The following ULK4 variants were observed in gnomAD, a reference collection of about 807,000 sequenced individuals.
ULK4 encodes unc-51 like kinase 4, also known as inactive serine/threonine-protein kinase ULK4.
A neutral mutation model predicts 160.6 loss-of-function variants in ULK4; 133 were observed. That is an observed-to-expected ratio of 0.83 (90% confidence interval 0.72 to 0.96). ULK4 has a LOEUF of 0.96. Ranked by LOEUF, ULK4 falls within the 40% of genes least tolerant of loss-of-function variation. ULK4 has a pLI of 0.00. For synonymous variants in ULK4, 534 were observed against 539.8 expected (o/e 0.99, Z 0.15); for missense variants, 1,580 against 1,499.5 (o/e 1.05, Z -0.89).
intron 21 of ULK4, among the ~76,000 whole-genome samples, chr3:41,781,384 T>C (rs1021546542): frequency 6.9e-6 from 1 of 145,478 alleles, no homozygotes; most frequent in African/African-American, 2.6e-5. Context: ...GCCACCGCAC[T>C]CCAGCCTGGG....
At chr3:41,428,587 A>C (rs1047413943) in intron 34 of ULK4, among the ~76,000 whole-genome samples, 3 of 152,198 alleles carry the variant, frequency 2.0e-5, no homozygotes, top group Non-Finnish European at 4.4e-5. Flanking sequence ...GAGCAATGGA[A>C]TAGAATAGAG....
chr3:41,554,289 C>T (rs551684338), intron 32 of ULK4, among the ~76,000 whole-genome samples: 2 of 152,102 alleles, frequency 1.3e-5, no homozygotes, highest in African/African-American at 4.8e-5. Context: ...AGTATTCTAT[C>T]CATGTATAGA....
At chr3:41,737,330 G>A (rs1478978225) in intron 22 of ULK4, among the ~76,000 whole-genome samples, 2 of 152,048 alleles carry the variant, frequency 1.3e-5, no homozygotes, top group Admixed American at 6.5e-5. Flanking sequence ...TCTCTTCAAG[G>A]AGAACTACAA....
At chr3:41,437,412 A>T (rs1248018544) in intron 34 of ULK4, among the ~76,000 whole-genome samples, 1 of 152,226 alleles carries the variant, frequency 6.6e-6, no homozygotes, top group Non-Finnish European at 1.5e-5. Context: ...AAGATTCTGA[A>T]GCTAAAATCA....
intron 32 of ULK4, among the ~76,000 whole-genome samples, chr3:41,471,788 T>A (rs1209999060): frequency 2.0e-5 from 3 of 151,722 alleles, no homozygotes; most frequent in Non-Finnish European, 2.9e-5. Flanking sequence ...AAGGAAAATT[T>A]AAAAAAATTG....
At chr3:41,280,356 ATTC>A (rs2079327072) in intron 35 of ULK4, among the ~76,000 whole-genome samples, 1 of 152,212 alleles carries the variant, frequency 6.6e-6, no homozygotes, top group South Asian at 2.1e-4. Flanking sequence ...CAGAATATAC[ATTC>A]TTCTCAGTAC....
At chr3:41,489,240 A>G (rs2084659319) in intron 32 of ULK4, among the ~76,000 whole-genome samples, 1 of 152,238 alleles carries the variant, frequency 6.6e-6, no homozygotes, top group East Asian at 1.9e-4. Context: ...CATGATTAGA[A>G]TTTTCAAAAG....
At chr3:41,645,883 A>G (rs943950194) in intron 30 of ULK4, among the ~76,000 whole-genome samples, 181 of 152,186 alleles carry the variant, frequency 1.2e-3, no homozygotes, top group African/African-American at 4.2e-3. Flanking sequence ...CTCCTTTATT[A>G]GGTGCATATA....
chr3:41,918,577 C>T, intron 6 of ULK4, 37 bp from the exon 7 acceptor site: 8 of 875,496 alleles, frequency 9.1e-6, no homozygotes, highest in South Asian at 5.2e-5. Flanking sequence ...TGAAAGAAGT[C>T]TGCTATCACC....
chr3:41,329,315 G>T (rs1224078759), intron 35 of ULK4, among the ~76,000 whole-genome samples: 3 of 152,098 alleles, frequency 2.0e-5, no homozygotes, highest in Non-Finnish European at 4.4e-5. Flanking sequence ...TCAATCTGGG[G>T]AGCAGTGACT....
chr3:41,367,488 G>C (rs2081275117), intron 35 of ULK4, among the ~76,000 whole-genome samples: 1 of 152,172 alleles, frequency 6.6e-6, no homozygotes, highest in Admixed American at 6.5e-5. Flanking sequence ...AGGACACCTT[G>C]GGGTATATCC....
chr3:41,699,187 G>A (rs2036592228), intron 27 of ULK4, among the ~76,000 whole-genome samples: 1 of 152,022 alleles, frequency 6.6e-6, no homozygotes, highest in Non-Finnish European at 1.5e-5. Context: ...TTCAGAGTAG[G>A]TGTACCAATG....
At chr3:41,853,764 G>C (rs1454586719) in intron 17 of ULK4, among the ~76,000 whole-genome samples, 1 of 152,126 alleles carries the variant, frequency 6.6e-6, no homozygotes, top group Non-Finnish European at 1.5e-5. Flanking sequence ...ACCATGGACT[G>C]GTTCTGGCCG....
At chr3:41,313,237 C>T (rs570473745) in intron 35 of ULK4, among the ~76,000 whole-genome samples, 3 of 152,162 alleles carry the variant, frequency 2.0e-5, no homozygotes, top group Admixed American at 1.3e-4. Flanking sequence ...GTTATTTAAC[C>T]TCTATAATGC....
chr3:41,287,517 T>C (rs1221318422), intron 35 of ULK4, among the ~76,000 whole-genome samples: 2 of 152,174 alleles, frequency 1.3e-5, no homozygotes, highest in South Asian at 2.1e-4. Flanking sequence ...TAAGGCCAAA[T>C]AGGGCCCCCA....
chr3:41,536,020 C>T (rs562554028), intron 32 of ULK4, among the ~76,000 whole-genome samples: 1 of 152,316 alleles, frequency 6.6e-6, no homozygotes, highest in African/African-American at 2.4e-5. Flanking sequence ...CCCCTCTTCC[C>T]CTGCAGTCTA....
intron 19 of ULK4, among the ~76,000 whole-genome samples, chr3:41,814,408 T>C (rs1689006555): frequency 6.6e-6 from 1 of 152,224 alleles, no homozygotes; most frequent in Admixed American, 6.5e-5. Context: ...TCCACTTCTT[T>C]GGAATTTGTT....
At chr3:41,595,269 G>T (rs1460900154) in intron 31 of ULK4, among the ~76,000 whole-genome samples, 1 of 152,124 alleles carries the variant, frequency 6.6e-6, no homozygotes, top group Non-Finnish European at 1.5e-5. Context: ...GGCCTGAAGT[G>T]ACTTGACCTC....
intron 16 of ULK4, among the ~76,000 whole-genome samples, chr3:41,887,284 C>T (rs1368997959): frequency 6.6e-6 from 1 of 152,194 alleles, no homozygotes; most frequent in Non-Finnish European, 1.5e-5. Flanking sequence ...AGGAGATAAT[C>T]CACATGCAGA....
Sources: gnomAD v4.1 joint callset for allele counts (sites outside exome capture counted in the v4.1 genomes callset) on GRCh38, gnomAD v4.1.1 for gene constraint, MANE v1.5 for transcripts, NCBI Gene and HGNC (gene_info 2026-07-23, HGNC 2026-07-21) for gene names.